DENND1B: variants seen among roughly 807,000 people sequenced by gnomAD.
DENND1B encodes the protein DENN domain containing 1B.
In DENND1B, 59 loss-of-function variants were observed where a neutral mutation model predicts 90.1. The ratio of observed to expected loss-of-function variants is 0.65; its 90% CI spans 0.53 to 0.81. The LOEUF (loss-of-function observed/expected upper bound fraction) is 0.81, where lower values mean the gene tolerates loss of function less well. Among genes scored for constraint, DENND1B ranks in the 40% least tolerant of loss-of-function variants. DENND1B has a pLI of 0.00. For missense variants in DENND1B, 862 were observed against 912.6 expected (o/e 0.94, Z 0.71); for synonymous variants, 337 against 324.6 (o/e 1.04, Z -0.41).
chr1:197,527,234 T>C (rs758730231), intron 20 of DENND1B, among the ~76,000 whole-genome samples: 2 of 152,080 alleles, frequency 1.3e-5, no homozygotes, highest in African/African-American at 2.4e-5. Context: ...ATTTTTTTTA[T>C]GGACATGGAC....
chr1:197,724,330 T>C (rs1366508950), intron 2 of DENND1B, among the ~76,000 whole-genome samples: 2 of 152,082 alleles, frequency 1.3e-5, no homozygotes, highest in African/African-American at 4.8e-5. Context: ...TGCATGACCT[T>C]TCTTTCAGGA....
chr1:197,621,709 T>C (rs563077335), intron 10 of DENND1B, among the ~76,000 whole-genome samples: 2 of 151,412 alleles, frequency 1.3e-5, no homozygotes, highest in East Asian at 1.9e-4. Flanking sequence ...AATACCACAA[T>C]TGTTCCTCAC....
chr1:197,511,692 T>C, intron 22 of DENND1B, 36 bp downstream of exon 22: 1 of 1,508,854 alleles, frequency 6.6e-7, no homozygotes. Context: ...AAGAATATTT[T>C]CTTCTAATTT....
intron 15 of DENND1B, among the ~76,000 whole-genome samples, chr1:197,557,831 T>C (rs576334146): frequency 2.1e-3 from 319 of 151,984 alleles, no homozygotes; most frequent in African/African-American, 7.5e-3. Context: ...TTAATAACTC[T>C]GGAGCATTTC....
intron 2 of DENND1B, among the ~76,000 whole-genome samples, chr1:197,721,851 C>T (rs1661212582): frequency 6.6e-6 from 1 of 151,906 alleles, no homozygotes; most frequent in African/African-American, 2.4e-5. Context: ...GTTCCATATC[C>T]CAATGAAAGA....
chr1:197,667,355 A>T (rs1228338344), intron 5 of DENND1B, among the ~76,000 whole-genome samples: 1 of 152,044 alleles, frequency 6.6e-6, no homozygotes, highest in Non-Finnish European at 1.5e-5. Context: ...CATCAGCAAT[A>T]TTTTTTTCTC....
In DENND1B at chr1:197,612,483, A is replaced by G. The variant is rs1327301771; in HGVS notation, c.774-507T>C. Among the ~76,000 whole-genome samples the G allele has an allele frequency of 3.3e-5, 5 of 150,716 alleles. No homozygotes were observed. The South Asian group carries it at 6.2e-4, about 19-fold the overall frequency. On this transcript the variant is annotated intron_variant, in intron 11 of 22. Transcript: ENST00000620048. ...TTTGGATCAGAGGGTCAGTCTGCAA[A>G]TATCTATCAAGACTTATTGTTTGTC...
At chr1:197,652,416 G>C in intron 6 of DENND1B, 101 bp from the exon 7 acceptor site, 1 of 829,206 alleles carries the variant, frequency 1.2e-6, no homozygotes, top group Non-Finnish European at 1.8e-6. Flanking sequence ...TTTCATATTA[G>C]ACATATTTTA....
intron 3 of DENND1B, among the ~76,000 whole-genome samples, chr1:197,680,755 G>A (rs12029715): frequency 6.6e-6 from 1 of 152,204 alleles, no homozygotes; most frequent in East Asian, 1.9e-4. Flanking sequence ...TATCAAAGTA[G>A]CCAAGTGTAT....
Position 197,642,751 on chromosome 1 carries a change from T to C in DENND1B, c.632A>G (p.His211Arg), listed in dbSNP as rs1345764868. ...NMLQLYASML[H>R]ERRIVIISSK... ...CGAGATAATCACGATGCGCCTTTCATGCAGCATACTGGCATACAGCTGCAG... is the reference window on the plus strand; with the variant it reads ...CGAGATAATCACGATGCGCCTTTCACGCAGCATACTGGCATACAGCTGCAG... Residue 211 changes from histidine (H) to arginine (R), a missense_variant, in exon 10 of 23, where the codon CAT becomes CGT. Transcript: ENST00000620048. The C allele has an allele frequency of 1.2e-6, 2 of 1,613,724 alleles. No individual in the cohort carries two copies. Among genetic ancestry groups the C allele is most frequent in the East Asian group, 2.2e-5 (1 of 44,852 alleles).
intron 10 of DENND1B, among the ~76,000 whole-genome samples, chr1:197,625,627 T>G (rs1327245546): frequency 1.2e-4 from 18 of 151,980 alleles, no homozygotes; most frequent in Non-Finnish European, 2.1e-4. Flanking sequence ...AATCACCAGC[T>G]AACATCATAA....
intron 3 of DENND1B, among the ~76,000 whole-genome samples, chr1:197,684,183 C>A (rs1372251867): frequency 6.6e-6 from 1 of 152,198 alleles, no homozygotes; most frequent in African/African-American, 2.4e-5. Flanking sequence ...GTGCCAAGTT[C>A]TGACCTAAGC....
At chr1:197,776,188 G>A (rs1657258970), upstream of DENND1B, among the ~76,000 whole-genome samples, 2 of 152,178 alleles carry the variant, frequency 1.3e-5, no homozygotes, top group Non-Finnish European at 2.9e-5. Flanking sequence ...GATTTACACA[G>A]CCCTAAAGCA....
intron 10 of DENND1B, among the ~76,000 whole-genome samples, chr1:197,626,824 G>GA (rs1034110845): frequency 2.0e-5 from 3 of 151,002 alleles, no homozygotes; most frequent in South Asian, 2.1e-4. Context: ...CAAATAGATG[G>GA]AAAAAAAATG....
intron 6 of DENND1B, among the ~76,000 whole-genome samples, chr1:197,655,594 C>T (rs1316650183): frequency 7.9e-5 from 12 of 151,592 alleles, no homozygotes; most frequent in Admixed American, 4.6e-4. Flanking sequence ...TGCGCTGGCG[C>T]GATCTGCGCT....
intron 3 of DENND1B, among the ~76,000 whole-genome samples, chr1:197,683,848 T>C (rs1321190992): frequency 6.6e-6 from 1 of 152,196 alleles, no homozygotes; most frequent in East Asian, 1.9e-4. Flanking sequence ...AATCACAATA[T>C]GTGATTGATT....
At chr1:197,602,785 C>A (rs1229209785) in intron 13 of DENND1B, among the ~76,000 whole-genome samples, 1 of 151,164 alleles carries the variant, frequency 6.6e-6, no homozygotes, top group East Asian at 1.9e-4. Flanking sequence ...CAAACTTATC[C>A]CCAAATTAAT....
intron 20 of DENND1B, among the ~76,000 whole-genome samples, chr1:197,529,353 C>T (rs750888313): frequency 1.9e-4 from 28 of 149,326 alleles, no homozygotes; most frequent in South Asian, 4.2e-4. Context: ...TGTGTGTGCA[C>T]GCGCGCACAT....
intron 3 of DENND1B, among the ~76,000 whole-genome samples, chr1:197,682,680 G>A (rs577031934): frequency 2.2e-4 from 33 of 152,210 alleles, no homozygotes; most frequent in Non-Finnish European, 2.8e-4. Context: ...AATGAAGAGC[G>A]AATAAGAAGT....
Sources: allele counts gnomAD v4.1 joint callset (sites outside exome capture counted in the v4.1 genomes callset), GRCh38; gene constraint gnomAD v4.1.1; transcripts MANE v1.5; gene names NCBI Gene and HGNC (gene_info 2026-07-23, HGNC 2026-07-21).